The following PTPRT variants were observed in gnomAD, a reference collection of about 807,000 sequenced individuals.
The protein encoded by PTPRT is receptor-type tyrosine-protein phosphatase T.
PTPRT carries 56 observed loss-of-function variants against 176.8 expected under a neutral mutation model. The ratio of observed to expected loss-of-function variants is 0.32; its 90% confidence interval spans 0.26 to 0.40. PTPRT has a LOEUF of 0.40. PTPRT is among the 10% of genes least tolerant of loss of function. The probability of loss-of-function intolerance (pLI) is 1.00; values close to 1 mark genes in which losing one functional copy is unlikely to be tolerated. For missense variants in PTPRT, 1,540 were observed against 1,908.2 expected (o/e 0.81, Z 3.60); for synonymous variants, 783 against 739.0 (o/e 1.06, Z -0.96).
At chr20:43,087,393 G>A (rs62205287) in intron 1 of PTPRT, among the ~76,000 whole-genome samples, 5 of 113,068 alleles carry the variant, frequency 4.4e-5, no homozygotes, top group East Asian at 2.5e-4. Context: ...TTTTTTCTCC[G>A]AAACAGGGTC....
chr20:43,104,520 C>T (rs1351522318), intron 1 of PTPRT, among the ~76,000 whole-genome samples: 2 of 152,166 alleles, frequency 1.3e-5, no homozygotes, highest in African/African-American at 4.8e-5. Flanking sequence ...AGAAATAACA[C>T]CTGCCTTCCT....
chr20:42,722,505 C>T (rs1319326155), intron 6 of PTPRT, among the ~76,000 whole-genome samples: 1 of 152,164 alleles, frequency 6.6e-6, no homozygotes, highest in Non-Finnish European at 1.5e-5. Flanking sequence ...CTAGAAACTT[C>T]CCAAAAGAAA....
At chr20:42,661,826 C>G (rs1189813704) in intron 7 of PTPRT, among the ~76,000 whole-genome samples, 1 of 152,202 alleles carries the variant, frequency 6.6e-6, no homozygotes, top group East Asian at 1.9e-4. Flanking sequence ...TTCTGTCAGG[C>G]AGAGTCTTTT....
chr20:42,806,460 G>A (rs2077609580), intron 2 of PTPRT, among the ~76,000 whole-genome samples: 1 of 143,416 alleles, frequency 7.0e-6, no homozygotes, highest in Non-Finnish European at 1.5e-5. Context: ...CTCCAGCCTG[G>A]CGACAGAGCA....
At chr20:42,182,285 A>T (rs1325405645) in intron 16 of PTPRT, among the ~76,000 whole-genome samples, 2 of 152,200 alleles carry the variant, frequency 1.3e-5, no homozygotes, top group Admixed American at 1.3e-4. Flanking sequence ...TTTGTTTTTT[A>T]AAATTGAAGA....
Position 43,163,388 on chromosome 20 carries a change from C to A in PTPRT, c.88+26258G>T, listed in dbSNP as rs559581884. 2.0e-5 allele frequency among the ~76,000 whole-genome samples: 3 copies of A among 152,224 alleles called. No individual in the cohort carries two copies. In the East Asian group the frequency reaches 5.8e-4, roughly 29 times the overall value. On this transcript the variant is annotated intron_variant, in intron 1 of 30. Coordinates refer to ENST00000373187, the MANE Select transcript of PTPRT (RefSeq NM_007050.6). ...GCGCGGTGGCTCGTGACTGTAATCC[C>A]AGCACTTTGGGAGGCCGAGGGGGGC... is the stretch of plus-strand genomic sequence containing the variant.
intron 7 of PTPRT, among the ~76,000 whole-genome samples, chr20:42,529,660 G>A (rs927835925): frequency 4.6e-5 from 7 of 151,632 alleles, no homozygotes; most frequent in East Asian, 1.9e-4. Flanking sequence ...CTAATTTTTC[G>A]TATTTTTAGT....
intron 26 of PTPRT, among the ~76,000 whole-genome samples, chr20:42,099,874 G>T (rs1985759081): frequency 6.6e-6 from 1 of 152,184 alleles, no homozygotes; most frequent in Non-Finnish European, 1.5e-5. Flanking sequence ...CAGAAGAGGG[G>T]TCTGGGTGGG....
chr20:42,277,502 C>A (rs953163570), intron 13 of PTPRT, among the ~76,000 whole-genome samples: 2 of 152,188 alleles, frequency 1.3e-5, no homozygotes, highest in Admixed American at 6.5e-5. Flanking sequence ...CTTCCTGACC[C>A]TAACCAAGGC....
intron 9 of PTPRT, among the ~76,000 whole-genome samples, chr20:42,354,459 T>C (rs1430664582): frequency 1.3e-5 from 2 of 152,220 alleles, no homozygotes; most frequent in African/African-American, 4.8e-5. Flanking sequence ...CTCCAAAGCC[T>C]GTACTCTATA....
At chr20:42,852,343 A>AT (rs944006706) in intron 2 of PTPRT, among the ~76,000 whole-genome samples, 5 of 151,748 alleles carry the variant, frequency 3.3e-5, no homozygotes, top group Non-Finnish European at 7.4e-5. Context: ...TTGTTCCTGC[A>AT]TTTTTTTTAT....
the PTPRT span, among the ~76,000 whole-genome samples, chr20:42,050,818 C>T: frequency 6.6e-6 from 1 of 152,144 alleles, no homozygotes; most frequent in South Asian, 2.1e-4. Context: ...GCTGCTGTGC[C>T]CATGATTCAG....
At chr20:42,478,652 T>C (rs899980589) in intron 7 of PTPRT, among the ~76,000 whole-genome samples, 1 of 152,100 alleles carries the variant, frequency 6.6e-6, no homozygotes, top group Admixed American at 6.6e-5. Flanking sequence ...TTCAATATTT[T>C]CAAGGCCCAG....
the PTPRT span, among the ~76,000 whole-genome samples, chr20:42,044,749 T>C: frequency 3.3e-5 from 5 of 152,236 alleles, no homozygotes; most frequent in Non-Finnish European, 5.9e-5. Context: ...ACTGCTGCTG[T>C]GATAAGCCAT....
intron 1 of PTPRT, among the ~76,000 whole-genome samples, chr20:43,110,330 C>T (rs538704877): frequency 6.6e-6 from 1 of 152,310 alleles, no homozygotes; most frequent in Admixed American, 6.5e-5. Context: ...TCCCGATGAC[C>T]CAACACCTCA....
intron 7 of PTPRT, among the ~76,000 whole-genome samples, chr20:42,514,573 G>A (rs977142412): frequency 2.0e-5 from 3 of 152,128 alleles, no homozygotes; most frequent in African/African-American, 7.2e-5. Flanking sequence ...ATTTGGGGGT[G>A]CCTTTTGAAG....
chr20:42,393,095 T>C lies in PTPRT; in HGVS notation c.1561-40810A>G, dbSNP rs1035456717. On this transcript the variant is annotated intron_variant, in intron 9 of 30. Transcript: ENST00000373187. The stretch of plus-strand genomic sequence containing the variant: ...TTGTAACGATTCTTCTCCATCCCCC[T>C]GTGTCTTCAGAGATAAGGACGTTCC... Among the ~76,000 whole-genome samples, 343 of 152,266 alleles carry C rather than the reference T, an allele frequency of 2.3e-3. 4 individuals are homozygous for C. Among genetic ancestry groups the C allele is most frequent in the Non-Finnish European group, 7.4e-4 (50 of 68,024 alleles).
intron 1 of PTPRT, among the ~76,000 whole-genome samples, chr20:42,987,822 T>C (rs1983687072): frequency 6.6e-6 from 1 of 152,208 alleles, no homozygotes. Context: ...ATGGCACTTA[T>C]GAAACGTGTA....
intron 12 of PTPRT, among the ~76,000 whole-genome samples, chr20:42,291,298 C>G (rs925553191): frequency 2.6e-5 from 4 of 152,114 alleles, no homozygotes; most frequent in Non-Finnish European, 4.4e-5. Flanking sequence ...CAAATACGAC[C>G]AAAGTAGACA....
Sources: gnomAD v4.1 joint callset for allele counts (sites outside exome capture counted in the v4.1 genomes callset) on GRCh38, gnomAD v4.1.1 for gene constraint, MANE v1.5 for transcripts, NCBI Gene and HGNC (gene_info 2026-07-23, HGNC 2026-07-21) for gene names.